Variants in TSHR observed in about 807,000 individuals in gnomAD.
TSHR encodes thyrotropin receptor.
A neutral mutation model predicts 64.1 loss-of-function variants in TSHR; 51 were observed. That is an observed-to-expected ratio of 0.80 (90% CI 0.64 to 1.01). The LOEUF (loss-of-function observed/expected upper bound fraction) is 1.01. Among genes scored for constraint, TSHR ranks in the 50% least tolerant of loss-of-function variants. The pLI, the probability that TSHR is intolerant of heterozygous loss-of-function variation, is 0.00. For synonymous variants in TSHR, 361 were observed against 361.9 expected, an observed-to-expected ratio of 1.00 and a Z score of 0.03; for missense variants, 877 against 942.8, an observed-to-expected ratio of 0.93 and a Z score of 0.91.
chr14:80,955,835 C>T lies in TSHR; in HGVS notation c.155C>T (p.Pro52Leu). 1.2e-6 allele frequency: 2 copies of T among 1,614,180 alleles called. No homozygotes were observed. The highest frequency in any genetic ancestry group is 1.7e-6 in the Non-Finnish European group (2 of 1,180,036). Residue 52 changes from proline (P) to leucine (L), a missense_variant, in exon 1 of 10, where the codon CCC becomes CTC. Coordinates refer to ENST00000298171, the MANE Select transcript of TSHR (RefSeq NM_000369.5). ...KDIQRIPSLP[P>L]STQTLKLIET... ...ATTCAACGCATCCCCAGCTTACCGC[C>T]CAGTACGCAGACTCTGTGAGTACCC...
intron 1 of TSHR, among the ~76,000 whole-genome samples, chr14:81,043,191 T>C (rs915448817): frequency 2.6e-5 from 4 of 152,132 alleles, no homozygotes; most frequent in South Asian, 2.1e-4. Flanking sequence ...GAAAACCCCA[T>C]AGTTTCAGCC....
At chr14:81,100,571 C>T (rs898451199) in intron 7 of TSHR, among the ~76,000 whole-genome samples, 15 of 152,266 alleles carry the variant, frequency 9.9e-5, no homozygotes, top group African/African-American at 3.6e-4. Flanking sequence ...CTGCCTGCTA[C>T]TTCAGATGCC....
Position 81,087,961 on chromosome 14 carries a change from C to T in TSHR, c.325C>T (p.Arg109Trp), listed in dbSNP as rs777252114. 8 of 1,612,514 alleles carry T rather than the reference C, an allele frequency of 5.0e-6. No individual in the cohort carries two copies. The highest frequency in any genetic ancestry group is 1.1e-5 in the South Asian group (1 of 91,036). The change falls in exon 4 of 10, where the codon CGG becomes TGG. Residue 109 changes from arginine to tryptophan, a missense_variant. Transcript: ENST00000298171. The part of the protein sequence containing the change: ...NLSKVTHIEI[R>W]NTRNLTYIDP... ...TCCTTGTAACTTATACAGAGAAATTCGGAATACCAGGAACTTAACTTACAT... is the reference window on the plus strand; with the variant it reads ...TCCTTGTAACTTATACAGAGAAATTTGGAATACCAGGAACTTAACTTACAT...
chr14:81,121,110 G>A (rs1890772390), intron 8 of TSHR, among the ~76,000 whole-genome samples: 2 of 151,852 alleles, frequency 1.3e-5, no homozygotes, highest in African/African-American at 4.8e-5. Flanking sequence ...AAATAGTGTA[G>A]CAGATTTCCC....
chr14:80,961,523 C>T (rs1168107759), intron 1 of TSHR, among the ~76,000 whole-genome samples: 1 of 152,120 alleles, frequency 6.6e-6, no homozygotes, highest in Non-Finnish European at 1.5e-5. Context: ...GAATTCTGAC[C>T]TGAAAGCTGA....
intron 2 of TSHR, 47 bp from the exon 3 acceptor site, chr14:81,068,206 AC>A (rs779668943): frequency 1.1e-5 from 18 of 1,570,012 alleles, no homozygotes; most frequent in African/African-American, 1.4e-5. Flanking sequence ...TTTGAAGTTT[AC>A]AACCTTACTA....
intron 1 of TSHR, among the ~76,000 whole-genome samples, chr14:80,978,596 C>T (rs769066731): frequency 6.6e-6 from 1 of 152,204 alleles, no homozygotes; most frequent in African/African-American, 2.4e-5. Context: ...CACTGCCATG[C>T]TCAGCCCTGG....
Position 80,999,926 on chromosome 14 carries a change from C to CTTT in TSHR, c.170+44082_170+44084dup, listed in dbSNP as rs887541689. Among the ~76,000 whole-genome samples, 374 of 142,842 alleles carry CTTT rather than the reference C, an allele frequency of 2.6e-3. 13 individuals carry two copies. Among genetic ancestry groups the CTTT allele is most frequent in the African/African-American group, 4.9e-3 (188 of 38,340 alleles). 93.7% of individuals were successfully genotyped at this position (142,842 alleles called of 152,430 possible). On this transcript the variant is annotated intron_variant, in intron 1 of 9. Coordinates refer to ENST00000298171, the MANE Select transcript of TSHR (RefSeq NM_000369.5). ...TGGGGAAGACTACCAAATTTTTTTT[C>CTTT]TTTTTTTTCTTTTTTTTTTTTTTGA...
intron 8 of TSHR, among the ~76,000 whole-genome samples, chr14:81,124,669 A>T (rs1442752471): frequency 6.6e-6 from 1 of 152,072 alleles, no homozygotes. Flanking sequence ...TCTCACCAGC[A>T]AGGTATGAGC....
chr14:80,978,124 C>CAT (rs1350041735), intron 1 of TSHR, among the ~76,000 whole-genome samples: 1 of 138,680 alleles, frequency 7.2e-6, no homozygotes, highest in South Asian at 2.3e-4. Context: ...CACACACACA[C>CAT]ACACACATGC....
chr14:81,121,208 A>C (rs1381640577), intron 8 of TSHR, among the ~76,000 whole-genome samples: 1 of 152,158 alleles, frequency 6.6e-6, no homozygotes, highest in Non-Finnish European at 1.5e-5. Context: ...ATGAAGGTAC[A>C]TCATAAAACA....
intron 3 of TSHR, among the ~76,000 whole-genome samples, chr14:81,076,585 C>A (rs1887519951): frequency 1.3e-5 from 2 of 152,098 alleles, no homozygotes. Flanking sequence ...TTCCTTCATC[C>A]TGATGCAAAT....
chr14:81,107,840 T>C (rs1889993688), intron 7 of TSHR, among the ~76,000 whole-genome samples: 1 of 152,222 alleles, frequency 6.6e-6, no homozygotes, highest in African/African-American at 2.4e-5. Flanking sequence ...TCATTGTTTA[T>C]CTGAAACTCA....
chr14:81,090,538 G>C (rs1253283429), intron 4 of TSHR, among the ~76,000 whole-genome samples: 1 of 147,582 alleles, frequency 6.8e-6, no homozygotes, highest in East Asian at 2.0e-4. Context: ...CCTGTGCCCG[G>C]CTCTCTGGAC....
chr14:81,140,608 G>A (rs1349611544), intron 9 of TSHR, among the ~76,000 whole-genome samples: 2 of 152,120 alleles, frequency 1.3e-5, no homozygotes, highest in African/African-American at 2.4e-5. Flanking sequence ...TTCTCTCCAG[G>A]CTTTCTCTGA....
chr14:80,988,486 C>T (rs551218859), intron 1 of TSHR, among the ~76,000 whole-genome samples: 152 of 152,284 alleles, frequency 1.0e-3, no homozygotes, highest in African/African-American at 3.4e-3. Context: ...GATCTAATCA[C>T]CTCCCACCAG....
chr14:80,994,161 A>C (rs1327706137), intron 1 of TSHR: 1 of 152,050 alleles, frequency 6.6e-6, no homozygotes, highest in Non-Finnish European at 1.5e-5. Flanking sequence ...GATTTTCTTA[A>C]TAACGTTTTC....
rs11847808 is a variant in TSHR, at chr14:80,983,595, A to G, written c.170+27745A>G. 0.014 allele frequency: 14,019 copies of G among 1,036,558 alleles called. 1,152 individuals carry two copies. In the African/African-American group the frequency reaches 0.19, roughly 14 times the overall value. 64.2% of individuals were successfully genotyped at this position (1,036,558 alleles called of 1,614,324 possible). ...TGATCACTTGAGTTATAATACACTCATGGGCATTCTCAGGGAAGTTAAAGG... is the reference window on the plus strand; with the variant it reads ...TGATCACTTGAGTTATAATACACTCGTGGGCATTCTCAGGGAAGTTAAAGG... On this transcript the variant is annotated intron_variant, in intron 1 of 9. Transcript: ENST00000298171.
At chr14:81,037,786 T>A (rs1361484019) in intron 1 of TSHR, among the ~76,000 whole-genome samples, 1 of 152,078 alleles carries the variant, frequency 6.6e-6, no homozygotes, top group African/African-American at 2.4e-5. Context: ...ATTAAAACAA[T>A]TCTAAATAGA....
Sources: gnomAD v4.1 joint callset for allele counts (sites outside exome capture counted in the v4.1 genomes callset) on GRCh38, gnomAD v4.1.1 for gene constraint, MANE v1.5 for transcripts, NCBI Gene and HGNC (gene_info 2026-07-23, HGNC 2026-07-21) for gene names.